GABRB3: variants seen among roughly 807,000 people sequenced by gnomAD.
GABRB3 encodes the protein gamma-aminobutyric acid type A receptor subunit beta3, also known as gamma-aminobutyric acid receptor subunit beta-3.
A neutral mutation model predicts 52.1 loss-of-function variants in GABRB3; 14 were observed. The ratio of observed to expected loss-of-function variants is 0.27; its 90% CI spans 0.18 to 0.42. The LOEUF is 0.42. GABRB3 is among the 10% of genes least tolerant of loss of function. The pLI is 1.00. For missense variants in GABRB3, 307 were observed against 609.1 expected, an observed-to-expected ratio of 0.50 and a Z score of 5.22; for synonymous variants, 260 against 232.3, an observed-to-expected ratio of 1.12 and a Z score of -1.08.
intron 3 of GABRB3, among the ~76,000 whole-genome samples, chr15:26,714,767 C>T (rs1389887956): frequency 1.3e-5 from 2 of 152,078 alleles, no homozygotes; most frequent in Non-Finnish European, 2.9e-5. Flanking sequence ...TCCTTTCACA[C>T]TATCTATTAT....
chr15:26,549,298 G>A (rs536290951), intron 8 of GABRB3, among the ~76,000 whole-genome samples: 3 of 152,260 alleles, frequency 2.0e-5, no homozygotes, highest in East Asian at 1.9e-4. Context: ...AGAAGGCGCC[G>A]GGCCTGTATG....
At chr15:26,725,409 C>T (rs1889744195) in intron 3 of GABRB3, among the ~76,000 whole-genome samples, 1 of 152,136 alleles carries the variant, frequency 6.6e-6, no homozygotes, top group South Asian at 2.1e-4. Flanking sequence ...ACTGTGGTGC[C>T]CTTATTGATC....
intron 3 of GABRB3, among the ~76,000 whole-genome samples, chr15:26,728,814 T>A (rs1889837116): frequency 6.6e-6 from 1 of 152,204 alleles, no homozygotes; most frequent in Admixed American, 6.5e-5. Flanking sequence ...TCAGCTCATA[T>A]ACCAGCAGCT....
chr15:26,662,528 C>T (rs1039068664), intron 3 of GABRB3, among the ~76,000 whole-genome samples: 4 of 151,660 alleles, frequency 2.6e-5, no homozygotes, highest in Admixed American at 1.3e-4. Context: ...TTGTGTAAAA[C>T]CCCATAATAA....
chr15:26,597,785 C>T (rs1193109212), intron 4 of GABRB3, among the ~76,000 whole-genome samples: 2 of 152,200 alleles, frequency 1.3e-5, no homozygotes, highest in Admixed American at 6.5e-5. Context: ...AGTATGAAGC[C>T]ACCAGGAAAC....
rs181679621 is a variant in GABRB3 at position 26,605,125 on chromosome 15, A to G, written c.461+16189T>C. Among the ~76,000 whole-genome samples, 55 of 152,346 alleles carry G rather than the reference A, an allele frequency of 3.6e-4. No individual in the cohort carries two copies. In the East Asian group the frequency reaches 7.7e-3, roughly 21 times the overall value. On this transcript the variant is annotated intron_variant, in intron 4 of 8. Coordinates refer to ENST00000311550, the MANE Select transcript of GABRB3 (RefSeq NM_000814.6). ...AAGAGTTGAATAGACATTTCTCAAAAGAAGACATTCAAATGGCAAACAGGT... is the reference window on the plus strand; with the variant it reads ...AAGAGTTGAATAGACATTTCTCAAAGGAAGACATTCAAATGGCAAACAGGT...
chr15:26,670,606 G>T (rs943427179), intron 3 of GABRB3, among the ~76,000 whole-genome samples: 1 of 152,120 alleles, frequency 6.6e-6, no homozygotes, highest in East Asian at 1.9e-4. Context: ...TCCATACCCC[G>T]GCTGCAGCTT....
chr15:26,719,427 G>A (rs1337859857), intron 3 of GABRB3, among the ~76,000 whole-genome samples: 1 of 152,178 alleles, frequency 6.6e-6, no homozygotes, highest in Non-Finnish European at 1.5e-5. Context: ...AAAATCCATG[G>A]CACAATGATT....
chr15:26,756,114 C>T (rs1337544874), intron 3 of GABRB3, among the ~76,000 whole-genome samples: 1 of 151,918 alleles, frequency 6.6e-6, no homozygotes, highest in Non-Finnish European at 1.5e-5. Context: ...AGAAATACAT[C>T]CAAATGTATT....
chr15:26,769,515 G>C (rs987717679), intron 3 of GABRB3, among the ~76,000 whole-genome samples: 2 of 152,052 alleles, frequency 1.3e-5, no homozygotes, highest in Middle Eastern at 3.2e-3. Context: ...CCTGCAGAAC[G>C]GCCTAGGTGC....
chr15:26,762,682 A>G (rs1198664469), intron 3 of GABRB3, among the ~76,000 whole-genome samples: 1 of 152,232 alleles, frequency 6.6e-6, no homozygotes, highest in African/African-American at 2.4e-5. Context: ...TTATTTGAGC[A>G]GAAACACTTA....
intron 4 of GABRB3, among the ~76,000 whole-genome samples, chr15:26,602,208 C>G (rs1410538164): frequency 2.0e-5 from 3 of 152,070 alleles, no homozygotes; most frequent in African/African-American, 7.2e-5. Flanking sequence ...TCAAGAGAAA[C>G]TAATGATTGC....
At chr15:26,593,181 A>C (rs1435925116) in intron 4 of GABRB3, among the ~76,000 whole-genome samples, 1 of 152,194 alleles carries the variant, frequency 6.6e-6, no homozygotes, top group African/African-American at 2.4e-5. Context: ...GAAGCTTTGA[A>C]AACAGAGGAG....
upstream of GABRB3, chr15:26,773,697 G>GCAGGAGCTC (rs1410708897): frequency 6.3e-7 from 1 of 1,574,910 alleles, no homozygotes; most frequent in African/African-American, 1.3e-5. Flanking sequence ...CAGATGGGCA[G>GCAGGAGCTC]CAGGAGCTCC....
At chr15:26,715,110 C>A (rs897786277) in intron 3 of GABRB3, among the ~76,000 whole-genome samples, 1 of 152,072 alleles carries the variant, frequency 6.6e-6, no homozygotes, top group Non-Finnish European at 1.5e-5. Flanking sequence ...CCTTGAGGAC[C>A]TGGGGGGGTC....
intron 3 of GABRB3, among the ~76,000 whole-genome samples, chr15:26,708,465 T>A (rs1315819619): frequency 6.6e-6 from 1 of 152,062 alleles, no homozygotes; most frequent in African/African-American, 2.4e-5. Context: ...AGGCAGTCAA[T>A]GAGGGAATGA....
intron 5 of GABRB3, among the ~76,000 whole-genome samples, chr15:26,582,468 T>A (rs1338975646): frequency 6.6e-6 from 1 of 152,174 alleles, no homozygotes; most frequent in Non-Finnish European, 1.5e-5. Flanking sequence ...CAACTTTGCA[T>A]CACTTGACAT....
rs74474371 is a variant in GABRB3, at chr15:26,631,104, C to T, written c.241-9570G>A. The stretch of plus-strand genomic sequence containing the variant: ...TGGACCTAGAAGCTGTAGAGGAAGC[C>T]CTGAGTGCCGGGAGCAGGCATTCTG... On this transcript the variant is annotated intron_variant, in intron 3 of 8. Coordinates refer to ENST00000311550, the MANE Select transcript of GABRB3 (RefSeq NM_000814.6). Among the ~76,000 whole-genome samples, 22 of 152,238 alleles carry T rather than the reference C, an allele frequency of 1.4e-4. No homozygotes were observed. The East Asian group carries it at 4.3e-3, about 30-fold the overall frequency.
chr15:26,701,053 C>CA (rs35441212), intron 3 of GABRB3, among the ~76,000 whole-genome samples: 60 of 143,904 alleles, frequency 4.2e-4, no homozygotes, highest in East Asian at 1.1e-3. Flanking sequence ...AGACTCGTCT[C>CA]AAAAAAAAAA....
Sources: allele counts gnomAD v4.1 joint callset (sites outside exome capture counted in the v4.1 genomes callset), GRCh38; gene constraint gnomAD v4.1.1; transcripts MANE v1.5; gene names NCBI Gene and HGNC (gene_info 2026-07-23, HGNC 2026-07-21).